Variants in XRCC5 observed in about 807,000 individuals in gnomAD.
XRCC5 encodes the protein DNA repair protein Ku80.
XRCC5 carries 12 observed loss-of-function variants against 95.7 expected under a neutral mutation model. That is an observed-to-expected ratio of 0.13 (90% CI 0.08 to 0.20). The LOEUF is 0.20. XRCC5 is among the 10% of genes least tolerant of loss of function. The pLI is 1.00. For missense variants in XRCC5, 595 were observed against 873.9 expected (o/e 0.68, Z 4.02); for synonymous variants, 281 against 290.3 (o/e 0.97, Z 0.33).
At chr2:216,137,714 TCTAAATTC>T (rs1455106773) in intron 11 of XRCC5, among the ~76,000 whole-genome samples, 3 of 152,308 alleles carry the variant, frequency 2.0e-5, no homozygotes, top group African/African-American at 7.2e-5. Flanking sequence ...AAAATACAGT[TCTAAATTC>T]CTTATCATTT....
chr2:216,171,701 G>C (rs1284991017), intron 16 of XRCC5, among the ~76,000 whole-genome samples: 1 of 152,116 alleles, frequency 6.6e-6, no homozygotes, highest in Non-Finnish European at 1.5e-5. Flanking sequence ...CAATTCCCTT[G>C]CTCTTGGAAT....
chr2:216,177,180 C>G (rs1312151685), intron 16 of XRCC5, among the ~76,000 whole-genome samples: 1 of 152,144 alleles, frequency 6.6e-6, no homozygotes, highest in Non-Finnish European at 1.5e-5. Flanking sequence ...GTTACTAGGA[C>G]AAGTGTGCTG....
At chr2:216,204,636 C>A (rs1454949745) in intron 20 of XRCC5, among the ~76,000 whole-genome samples, 2 of 152,130 alleles carry the variant, frequency 1.3e-5, no homozygotes, top group Non-Finnish European at 2.9e-5. Flanking sequence ...TTAATCCTCT[C>A]CCTTGAAGGG....
chr2:216,187,861 T>TCC lies in XRCC5; in HGVS notation c.1835-2361_1835-2360dup, dbSNP rs1553579201. The stretch of plus-strand genomic sequence containing the variant: ...CTCTCTCTCTCTCTCTCTCTCTCTC[T>TCC]CCCCGTCTCCCTGTCTCTCCCTCTC... On this transcript the variant is annotated intron_variant, in intron 16 of 20. Transcript: ENST00000392132. Among the ~76,000 whole-genome samples the TCC allele has an allele frequency of 8.2e-4, 95 of 116,250 alleles. 1 individual carries two copies. Among genetic ancestry groups the TCC allele is most frequent in the Non-Finnish European group, 1.1e-3 (66 of 58,814 alleles). The allele number at this position is 116,250 out of a possible 152,430, so 76.3% of individuals were successfully genotyped here.
intron 3 of XRCC5, 43 bp downstream of exon 3, chr2:216,116,885 A>G: frequency 1.3e-6 from 2 of 1,599,516 alleles, no homozygotes; most frequent in Non-Finnish European, 8.5e-7. Flanking sequence ...AATTTCCTTT[A>G]TTCTGGGAAT....
At chr2:216,140,187 A>G (rs1163350956) in intron 12 of XRCC5, among the ~76,000 whole-genome samples, 2 of 152,254 alleles carry the variant, frequency 1.3e-5, no homozygotes, top group Non-Finnish European at 2.9e-5. Context: ...TAAATGGGTA[A>G]AAAAGAAATA....
intron 16 of XRCC5, among the ~76,000 whole-genome samples, chr2:216,162,554 A>G (rs1052047933): frequency 1.6e-4 from 24 of 151,888 alleles, no homozygotes; most frequent in African/African-American, 5.6e-4. Flanking sequence ...GGCGTGCACC[A>G]CCATGCCCAG....
intron 13 of XRCC5, among the ~76,000 whole-genome samples, chr2:216,147,016 A>T (rs1348320142): frequency 6.6e-6 from 1 of 152,192 alleles, no homozygotes; most frequent in Non-Finnish European, 1.5e-5. Context: ...AAAAATTGAT[A>T]ATTTTAGATA....
intron 19 of XRCC5, among the ~76,000 whole-genome samples, chr2:216,198,209 G>A (rs912047623): frequency 1.4e-4 from 21 of 152,242 alleles, no homozygotes; most frequent in African/African-American, 4.6e-4. Flanking sequence ...AGTGGATTAA[G>A]TTTTGTGAAT....
intron 14 of XRCC5, among the ~76,000 whole-genome samples, chr2:216,159,215 C>T (rs1036098935): frequency 6.6e-6 from 1 of 151,910 alleles, no homozygotes; most frequent in Non-Finnish European, 1.5e-5. Context: ...CTGCTTTTGC[C>T]CTAGATTGCA....
intron 2 of XRCC5, among the ~76,000 whole-genome samples, chr2:216,115,754 G>C (rs908181459): frequency 6.6e-6 from 1 of 151,824 alleles, no homozygotes; most frequent in East Asian, 1.9e-4. Context: ...GAATATACAG[G>C]TAACCAATTT....
intron 14 of XRCC5, among the ~76,000 whole-genome samples, chr2:216,148,702 G>A (rs1688685013): frequency 6.6e-6 from 1 of 152,158 alleles, no homozygotes; most frequent in South Asian, 2.1e-4. Context: ...GAGGAAAAGT[G>A]GGAACAAGAG....
chr2:216,181,740 CAGTGCTTGGG>C, intron 16 of XRCC5, among the ~76,000 whole-genome samples: 1 of 152,266 alleles, frequency 6.6e-6, no homozygotes, highest in East Asian at 1.9e-4. Flanking sequence ...TTTAATAAAA[CAGTGCTTGGG>C]AGTAATAAGA....
intron 6 of XRCC5, among the ~76,000 whole-genome samples, chr2:216,125,532 C>T (rs1203041525): frequency 7.9e-5 from 12 of 152,170 alleles, no homozygotes; most frequent in African/African-American, 2.7e-4. Flanking sequence ...CCGTGGTTTT[C>T]AGGGAGTTGG....
At chr2:216,122,614 A>G (rs926499804) in intron 6 of XRCC5, among the ~76,000 whole-genome samples, 11 of 151,950 alleles carry the variant, frequency 7.2e-5, no homozygotes, top group African/African-American at 2.4e-4. Flanking sequence ...TACAAAAAAC[A>G]TTATTAATTA....
chr2:216,138,191 T>G lies in XRCC5; in HGVS notation c.1342+12T>G. The G allele has an allele frequency of 6.2e-7, 1 of 1,607,242 alleles. No individual in the cohort carries two copies. The highest frequency in any genetic ancestry group is 8.5e-7 in the Non-Finnish European group (1 of 1,175,604). ...ATATGCTCCCACCGGTGAGTTTGTT[T>G]TCATTTAGATCACTCATTGACTACA... On this transcript the variant is annotated intron_variant, in intron 12 of 20. Transcript: ENST00000392132.
chr2:216,187,791 A>G (rs1179506847), intron 16 of XRCC5, among the ~76,000 whole-genome samples: 1 of 59,420 alleles, frequency 1.7e-5, no homozygotes, highest in Non-Finnish European at 2.7e-5. Flanking sequence ...CTCCTGACAC[A>G]CACACACACA....
rs773607008 is a variant in XRCC5, at chr2:216,130,994, T to C, written c.1050+7T>C. ...ATTTTGTAAATCTTCTCAGGTATGA[T>C]TGTGAACAAACTAAATGAGCTTTTT... is the stretch of plus-strand genomic sequence containing the variant. On this transcript the variant is annotated splice_region_variant and intron_variant, in intron 9 of 20. Transcript: ENST00000392132. 10 of 1,600,242 alleles carry C rather than the reference T, an allele frequency of 6.2e-6. No homozygotes were observed. The South Asian group carries it at 1.0e-4, about 16-fold the overall frequency.
intron 12 of XRCC5, 24 bp downstream of exon 12, chr2:216,138,203 A>C (rs1340566427): frequency 6.3e-7 from 1 of 1,586,738 alleles, no homozygotes; most frequent in Admixed American, 1.7e-5. Context: ...CATTTAGATC[A>C]CTCATTGACT....
Sources: gnomAD v4.1 joint callset for allele counts (sites outside exome capture counted in the v4.1 genomes callset) on GRCh38, gnomAD v4.1.1 for gene constraint, MANE v1.5 for transcripts, NCBI Gene and HGNC (gene_info 2026-07-23, HGNC 2026-07-21) for gene names.